GADL1: variants seen among roughly 807,000 people sequenced by gnomAD.
The protein encoded by GADL1 is acidic amino acid decarboxylase GADL1.
Under a neutral mutation model 69.5 loss-of-function variants are expected in GADL1, and 71 were observed. The observed-to-expected ratio is 1.02, with a 90% CI of 0.84 to 1.25. GADL1 has a LOEUF of 1.25. Ranked by LOEUF, GADL1 falls within the 50% of genes most tolerant of loss-of-function variation. The pLI, the probability that GADL1 is intolerant of heterozygous loss-of-function variation, is 0.00. For synonymous variants in GADL1, 254 were observed against 214.4 expected (o/e 1.18, Z -1.62); for missense variants, 737 against 631.8 (o/e 1.17, Z -1.79).
At chr3:30,781,591 C>T (rs1355985179) in intron 13 of GADL1, among the ~76,000 whole-genome samples, 1 of 152,142 alleles carries the variant, frequency 6.6e-6, no homozygotes, top group African/African-American at 2.4e-5. Flanking sequence ...TGAAAAATTT[C>T]AAAGGCAGCA....
chr3:30,841,306 C>T (rs1446870611), intron 8 of GADL1, among the ~76,000 whole-genome samples: 2 of 152,128 alleles, frequency 1.3e-5, no homozygotes, highest in Non-Finnish European at 2.9e-5. Context: ...TTTAAATGTG[C>T]CTAAAGCAAT....
chr3:30,888,436 G>C (rs565643721), intron 1 of GADL1, among the ~76,000 whole-genome samples: 1 of 152,158 alleles, frequency 6.6e-6, no homozygotes, highest in East Asian at 1.9e-4. Flanking sequence ...AGACCCTCAG[G>C]AATCCTCAGA....
chr3:30,779,902 G>A (rs1177950804), intron 13 of GADL1, among the ~76,000 whole-genome samples: 1 of 152,136 alleles, frequency 6.6e-6, no homozygotes. Flanking sequence ...CACTGGAGAA[G>A]GAAGGAATGC....
intron 1 of GADL1, among the ~76,000 whole-genome samples, chr3:30,888,466 G>A (rs549693872): frequency 6.6e-6 from 1 of 152,152 alleles, no homozygotes; most frequent in East Asian, 1.9e-4. Context: ...TGAAAGCCAA[G>A]TGGGAAGGAG....
Position 30,808,711 on chromosome 3 carries a change from C to A in GADL1, c.1051-7623G>T, listed in dbSNP as rs140323476. Among the ~76,000 whole-genome samples the A allele has an allele frequency of 6.9e-3, 1,056 of 152,234 alleles. 16 individuals are homozygous for A. The highest frequency in any genetic ancestry group is 0.024 in the African/African-American group (1,010 of 41,522). On this transcript the variant is annotated intron_variant, in intron 11 of 14. Coordinates refer to ENST00000282538, the MANE Select transcript of GADL1 (RefSeq NM_207359.3). ...CTAAAATGCTGATGTATGAAGTTAG[C>A]AAGTGGGAAAAATAACCCTCTCTTC... is the stretch of plus-strand genomic sequence containing the variant.
At chr3:30,848,812 A>G (rs916102442) in intron 6 of GADL1, among the ~76,000 whole-genome samples, 3 of 152,208 alleles carry the variant, frequency 2.0e-5, no homozygotes, top group Non-Finnish European at 2.9e-5. Flanking sequence ...GCAATTACTC[A>G]TTTAACATTT....
At chr3:30,814,653 C>T (rs996038443) in intron 11 of GADL1, among the ~76,000 whole-genome samples, 1 of 151,994 alleles carries the variant, frequency 6.6e-6, no homozygotes, top group South Asian at 2.1e-4. Context: ...AAGAGACATT[C>T]CATAAGATAG....
intron 14 of GADL1, 27 bp from the exon 15 acceptor site, chr3:30,728,442 G>C: frequency 6.3e-7 from 1 of 1,595,500 alleles, no homozygotes; most frequent in African/African-American, 1.3e-5. Context: ...GGGGAGAGGG[G>C]TGAAAGACCA....
chr3:30,823,340 A>G (rs1697623563), intron 11 of GADL1, among the ~76,000 whole-genome samples: 1 of 151,996 alleles, frequency 6.6e-6, no homozygotes, highest in South Asian at 2.1e-4. Context: ...CAGATATCCT[A>G]AAGACTTCAG....
At chr3:30,781,174 A>G (rs1696656458) in intron 13 of GADL1, among the ~76,000 whole-genome samples, 1 of 150,618 alleles carries the variant, frequency 6.6e-6, no homozygotes, top group South Asian at 2.2e-4. Flanking sequence ...GCATTGTCAT[A>G]ATCTTTAAAA....
At position 30,762,858 on chromosome 3, in the gene GADL1, GCTTT is replaced by G. The variant is rs1427277381; in HGVS notation, c.1392+15317_1392+15320del. On this transcript the variant is annotated intron_variant, in intron 14 of 14. Coordinates refer to ENST00000282538, the MANE Select transcript of GADL1 (RefSeq NM_207359.3). ...TGTGATGTTAGTCTTTCTTTTCCTTGCTTTATTTCACTTAACATTACAATCTCCA... is the reference window on the plus strand; with the variant it reads ...TGTGATGTTAGTCTTTCTTTTCCTTGATTTCACTTAACATTACAATCTCCA... 8.6e-5 allele frequency among the ~76,000 whole-genome samples: 13 copies of G among 151,914 alleles called. 1 individual carries two copies. Among genetic ancestry groups the G allele is most frequent in the African/African-American group, 3.1e-4 (13 of 41,310 alleles).
At chr3:30,745,560 T>C (rs970836286) in intron 14 of GADL1, among the ~76,000 whole-genome samples, 5 of 152,196 alleles carry the variant, frequency 3.3e-5, no homozygotes, top group African/African-American at 1.2e-4. Flanking sequence ...CAGAAGTCAA[T>C]TTTGTTATTC....
chr3:30,735,946 G>T (rs1040721011), intron 14 of GADL1, among the ~76,000 whole-genome samples: 3 of 152,068 alleles, frequency 2.0e-5, no homozygotes, highest in Non-Finnish European at 4.4e-5. Context: ...AATCATAGAA[G>T]ATTTCAGTTG....
chr3:30,765,866 CTGTT>C (rs1559493012), intron 14 of GADL1, among the ~76,000 whole-genome samples: 2 of 152,150 alleles, frequency 1.3e-5, no homozygotes, highest in African/African-American at 2.4e-5. Flanking sequence ...CATAATTTGT[CTGTT>C]TCTCTCGCCT....
intron 14 of GADL1, among the ~76,000 whole-genome samples, chr3:30,728,945 C>A (rs1321651830): frequency 7.1e-6 from 1 of 141,300 alleles, no homozygotes; most frequent in East Asian, 2.0e-4. Context: ...ATGTACAGTT[C>A]TATTTTGAAG....
Position 30,833,905 on chromosome 3 carries a change from T to C in GADL1, c.998A>G (p.Lys333Arg), listed in dbSNP as rs769447397. ...GCACTGGATCCCAGCCATCAGCATCTTGTGTGGGTTCCAGGCCACAGAGTC... is the reference window on the plus strand; with the variant it reads ...GCACTGGATCCCAGCCATCAGCATCCTGTGTGGGTTCCAGGCCACAGAGTC... ...RADSVAWNPH[K>R]MLMAGIQCCA... The change falls in exon 11 of 15, where the codon AAG becomes AGG. Residue 333 changes from lysine to arginine, a missense_variant. Lys to Arg is a conservative substitution (Grantham distance 26). Transcript: ENST00000282538. 1 of 1,612,774 alleles carries C rather than the reference T, an allele frequency of 6.2e-7. No homozygotes were observed. Among genetic ancestry groups the C allele is most frequent in the Non-Finnish European group, 8.5e-7 (1 of 1,179,170 alleles).
At chr3:30,755,388 T>C (rs1019654118) in intron 14 of GADL1, among the ~76,000 whole-genome samples, 12 of 152,334 alleles carry the variant, frequency 7.9e-5, no homozygotes, top group African/African-American at 2.9e-4. Flanking sequence ...CTTGTTTTTC[T>C]ATGTAGATAT....
chr3:30,863,963 C>T (rs1308549164), intron 1 of GADL1, among the ~76,000 whole-genome samples: 1 of 152,040 alleles, frequency 6.6e-6, no homozygotes, highest in African/African-American at 2.4e-5. Flanking sequence ...AGCAAAGGAT[C>T]AATCTTTTGT....
chr3:30,814,072 A>G (rs1181158427), intron 11 of GADL1, among the ~76,000 whole-genome samples: 1 of 151,972 alleles, frequency 6.6e-6, no homozygotes, highest in African/African-American at 2.4e-5. Flanking sequence ...TACTTGATTA[A>G]CAATGCACTG....
Sources: allele counts gnomAD v4.1 joint callset (sites outside exome capture counted in the v4.1 genomes callset), GRCh38; gene constraint gnomAD v4.1.1; transcripts MANE v1.5; gene names NCBI Gene and HGNC (gene_info 2026-07-23, HGNC 2026-07-21).